ATL1: variants seen among roughly 807,000 people sequenced by gnomAD.
ATL1 encodes atlastin-1.
ATL1 carries 31 observed loss-of-function variants against 75.5 expected under a neutral mutation model. The ratio of observed to expected loss-of-function variants is 0.41; its 90% CI spans 0.31 to 0.55. The LOEUF (loss-of-function observed/expected upper bound fraction) is 0.55. ATL1 is among the 20% of genes least tolerant of loss of function. ATL1 has a pLI of 0.27. For missense variants in ATL1, 405 were observed against 662.6 expected (o/e 0.61, Z 4.27); for synonymous variants, 226 against 233.3 (o/e 0.97, Z 0.28).
chr14:50,629,733 C>T (rs1305067497), intron 12 of ATL1, among the ~76,000 whole-genome samples: 1 of 152,108 alleles, frequency 6.6e-6, no homozygotes, highest in Non-Finnish European at 1.5e-5. Context: ...CTGAAATAGT[C>T]CCTCAACCAC....
intron 6 of ATL1, among the ~76,000 whole-genome samples, chr14:50,610,532 A>G (rs560825916): frequency 1.3e-5 from 2 of 152,242 alleles, no homozygotes; most frequent in East Asian, 3.9e-4. Flanking sequence ...TCAAAATAAG[A>G]GCTCAGGTAT....
chr14:50,546,674 T>C (rs774647057), intron 1 of ATL1, among the ~76,000 whole-genome samples: 1 of 152,232 alleles, frequency 6.6e-6, no homozygotes. Flanking sequence ...TATTTTAAGA[T>C]GTCAGAGTTT....
At chr14:50,605,309 A>G (rs1411260814) in intron 6 of ATL1, among the ~76,000 whole-genome samples, 1 of 151,894 alleles carries the variant, frequency 6.6e-6, no homozygotes, top group African/African-American at 2.4e-5. Flanking sequence ...TAGAGAACAG[A>G]GGATATTTTG....
At chr14:50,582,148 G>A (rs371209440) in intron 1 of ATL1, among the ~76,000 whole-genome samples, 11 of 151,818 alleles carry the variant, frequency 7.2e-5, no homozygotes, top group East Asian at 5.9e-4. Context: ...CGGGCATGGT[G>A]GCACGTGCCT....
At chr14:50,539,939 A>G (rs1448418644) in intron 1 of ATL1, among the ~76,000 whole-genome samples, 4 of 152,156 alleles carry the variant, frequency 2.6e-5, no homozygotes. Context: ...GCTCTGTTAT[A>G]GTCATTCTGC....
At chr14:50,591,297 AT>A (rs1400597987) in intron 3 of ATL1, among the ~76,000 whole-genome samples, 3 of 152,170 alleles carry the variant, frequency 2.0e-5, no homozygotes, top group Non-Finnish European at 4.4e-5. Context: ...TAACATCTGT[AT>A]TTTGTTTCAC....
At chr14:50,542,001 C>T (rs1205795024) in intron 1 of ATL1, among the ~76,000 whole-genome samples, 7 of 86,282 alleles carry the variant, frequency 8.1e-5, no homozygotes, top group African/African-American at 1.5e-4. Context: ...AGCGAGATTC[C>T]GTCTCAAAAA....
At chr14:50,554,281 A>G (rs1313002690) in intron 1 of ATL1, among the ~76,000 whole-genome samples, 6 of 152,180 alleles carry the variant, frequency 3.9e-5, no homozygotes, top group Non-Finnish European at 8.8e-5. Flanking sequence ...TTGGTTACAC[A>G]CCTTACCTAC....
chr14:50,602,209 T>G (rs2039277785), intron 6 of ATL1, among the ~76,000 whole-genome samples: 1 of 152,176 alleles, frequency 6.6e-6, no homozygotes, highest in South Asian at 2.1e-4. Context: ...GTTACTTGTT[T>G]CCCCAGGAAA....
chr14:50,558,257 G>A (rs940115749), upstream of ATL1, among the ~76,000 whole-genome samples: 4 of 152,214 alleles, frequency 2.6e-5, no homozygotes, highest in African/African-American at 7.2e-5. Flanking sequence ...TACTTGAGAG[G>A]CTGAGGCATG....
rs1238847891 is a variant in ATL1 at position 50,591,649 on chromosome 14, A to C, written c.522+10A>C. 1.3e-6 allele frequency: 2 copies of C among 1,585,248 alleles called. No individual in the cohort carries two copies. Among genetic ancestry groups the C allele is most frequent in the Non-Finnish European group, 1.7e-6 (2 of 1,153,966 alleles). On this transcript the variant is annotated intron_variant, in intron 4 of 13. Coordinates refer to ENST00000358385, the MANE Select transcript of ATL1 (RefSeq NM_015915.5). Reference sequence around the variant, plus strand: ...GATCAGCTCAATACAGGTATGAAATAAGCCCATTTTGATGATGTTTCTTTA... The same window carrying C: ...GATCAGCTCAATACAGGTATGAAATCAGCCCATTTTGATGATGTTTCTTTA...
intron 13 of ATL1, 53 bp downstream of exon 13, chr14:50,630,062 T>A (rs1414221298): frequency 6.6e-6 from 9 of 1,367,896 alleles, no homozygotes; most frequent in Admixed American, 3.9e-5. Context: ...CATTATGATA[T>A]TATTTTATAA....
intron 1 of ATL1, among the ~76,000 whole-genome samples, chr14:50,574,933 GTGTGTATATATATATA>G (rs1458165738): frequency 1.7e-3 from 77 of 45,986 alleles, no homozygotes; most frequent in African/African-American, 6.2e-3. Flanking sequence ...GTGTGTGTGT[GTGTGTATATATATATA>G]TATATATATA....
chr14:50,581,882 G>A (rs919144105), intron 1 of ATL1, among the ~76,000 whole-genome samples: 3 of 152,116 alleles, frequency 2.0e-5, no homozygotes, highest in African/African-American at 4.8e-5. Flanking sequence ...TGAATTTTAA[G>A]GCAGTGAAAA....
At chr14:50,602,376 T>A (rs1220139167) in intron 6 of ATL1, among the ~76,000 whole-genome samples, 5 of 152,028 alleles carry the variant, frequency 3.3e-5, no homozygotes, top group Non-Finnish European at 1.5e-5. Context: ...TAAAAACAGA[T>A]CCCCCTTACT....
At chr14:50,607,423 T>C (rs2039325695) in intron 6 of ATL1, among the ~76,000 whole-genome samples, 1 of 152,030 alleles carries the variant, frequency 6.6e-6, no homozygotes, top group Non-Finnish European at 1.5e-5. Context: ...GCAAGATGGG[T>C]TGACATCAGT....
intron 1 of ATL1, among the ~76,000 whole-genome samples, chr14:50,553,478 AG>A (rs762294154): frequency 6.6e-6 from 1 of 152,108 alleles, no homozygotes; most frequent in African/African-American, 2.4e-5. Flanking sequence ...TGTGGTGAAA[AG>A]GGAGCTCTTT....
chr14:50,572,981 G>T (rs984609683), intron 1 of ATL1, among the ~76,000 whole-genome samples: 3 of 152,164 alleles, frequency 2.0e-5, no homozygotes, highest in African/African-American at 7.2e-5. Flanking sequence ...TCACATGGTT[G>T]CAGGAGAGAG....
intron 6 of ATL1, among the ~76,000 whole-genome samples, chr14:50,602,548 C>A (rs1035101504): frequency 6.6e-6 from 1 of 151,464 alleles, no homozygotes; most frequent in South Asian, 2.1e-4. Context: ...CACTTGAGTT[C>A]GTGTTTTAGA....
Sources: gnomAD v4.1 joint callset for allele counts (sites outside exome capture counted in the v4.1 genomes callset) on GRCh38, gnomAD v4.1.1 for gene constraint, MANE v1.5 for transcripts, NCBI Gene and HGNC (gene_info 2026-07-23, HGNC 2026-07-21) for gene names.